The following CACNA1A variants were observed in gnomAD, a reference collection of about 807,000 sequenced individuals.
The protein encoded by CACNA1A is calcium voltage-gated channel subunit alpha1 A.
Under a neutral mutation model 262.4 loss-of-function variants are expected in CACNA1A, and 57 were observed. That is an observed-to-expected ratio of 0.22 (90% CI 0.18 to 0.27). The LOEUF (loss-of-function observed/expected upper bound fraction) is 0.27, where lower values mean the gene tolerates loss of function less well. Ranked by LOEUF, CACNA1A falls within the 10% of genes least tolerant of loss-of-function variation. The pLI is 1.00. For synonymous variants in CACNA1A, 1,431 were observed against 1,419.3 expected (o/e 1.01, Z -0.18); for missense variants, 2,526 against 3,562.8 (o/e 0.71, Z 7.41).
At chr19:13,458,805 C>G (rs935550971) in intron 1 of CACNA1A, among the ~76,000 whole-genome samples, 72 of 152,206 alleles carry the variant, frequency 4.7e-4, no homozygotes, top group African/African-American at 1.7e-3. Context: ...CCTGCCACAC[C>G]CCTCAGAAGT....
chr19:13,342,370 A>T (rs1014496008), intron 6 of CACNA1A, among the ~76,000 whole-genome samples: 1 of 152,114 alleles, frequency 6.6e-6, no homozygotes, highest in Admixed American at 6.5e-5. Flanking sequence ...TGGCAGTTCA[A>T]GTTAAGGGAG....
chr19:13,311,133 A>C (rs2058027062), intron 12 of CACNA1A, among the ~76,000 whole-genome samples: 1 of 152,108 alleles, frequency 6.6e-6, no homozygotes, highest in South Asian at 2.1e-4. Context: ...TCTCTTGTCC[A>C]GGCTGGAGGG....
Position 13,488,386 on chromosome 19 carries a change from T to C in CACNA1A, c.293+17546A>G, listed in dbSNP as rs972185081. Among the ~76,000 whole-genome samples the C allele has an allele frequency of 2.2e-5, 3 of 138,492 alleles. No homozygotes were observed. In the East Asian group the frequency reaches 6.2e-4, roughly 29 times the overall value. The allele number at this position is 138,492 out of a possible 152,430, so 90.9% of individuals were successfully genotyped here. A position where few individuals can be genotyped will look rare whatever the true frequency, so the allele number is the denominator to read the frequency against. On this transcript the variant is annotated intron_variant, in intron 1 of 46. Transcript: ENST00000360228. The stretch of plus-strand genomic sequence containing the variant: ...TGGGGCATCAGCATTTTCCTTTTTC[T>C]TTTCTTTTTTTTTTTTTTTTTTTTT...
chr19:13,441,566 CTGAGGTGGGAGTGCTTGAACCT>C (rs1255121069), intron 3 of CACNA1A, among the ~76,000 whole-genome samples: 29 of 150,174 alleles, frequency 1.9e-4, no homozygotes, highest in African/African-American at 6.9e-4. Context: ...ACTTGGGAGG[CTGAGGTGGGAGTGCTTGAACCT>C]GGGAGGCGGA....
At chr19:13,419,828 G>A (rs1304814667) in intron 3 of CACNA1A, among the ~76,000 whole-genome samples, 1 of 152,152 alleles carries the variant, frequency 6.6e-6, no homozygotes, top group Non-Finnish European at 1.5e-5. Context: ...GCTCATGCCT[G>A]TAATCCCAGC....
intron 12 of CACNA1A, among the ~76,000 whole-genome samples, chr19:13,309,753 G>A (rs2057980216): frequency 6.6e-6 from 1 of 152,022 alleles, no homozygotes; most frequent in African/African-American, 2.4e-5. Flanking sequence ...GAAGTTTCCA[G>A]AGACACTGTG....
At chr19:13,277,039 C>T (rs750491394) in intron 23 of CACNA1A, 30 bp downstream of exon 23, 2 of 1,538,384 alleles carry the variant, frequency 1.3e-6, no homozygotes, top group Non-Finnish European at 1.8e-6. Context: ...AAAAAATTAC[C>T]GTGTGTTCTC....
intron 9 of CACNA1A, among the ~76,000 whole-genome samples, chr19:13,332,063 G>T (rs1427309316): frequency 6.6e-6 from 1 of 152,200 alleles, no homozygotes; most frequent in Non-Finnish European, 1.5e-5. Flanking sequence ...AGCTATGCTG[G>T]GGAGGTTGGG....
At chr19:13,218,879 AG>A (rs2055115770) in intron 38 of CACNA1A, among the ~76,000 whole-genome samples, 1 of 151,528 alleles carries the variant, frequency 6.6e-6, no homozygotes, top group Non-Finnish European at 1.5e-5. Context: ...TTGGGATTAC[AG>A]GGGTCTGGCA....
chr19:13,448,761 T>C (rs907097994), intron 3 of CACNA1A, among the ~76,000 whole-genome samples: 2 of 152,160 alleles, frequency 1.3e-5, no homozygotes, highest in Admixed American at 6.5e-5. Context: ...AGCCCAAAGC[T>C]GGAAACAATC....
chr19:13,491,012 G>A (rs1980813319), intron 1 of CACNA1A, among the ~76,000 whole-genome samples: 2 of 151,854 alleles, frequency 1.3e-5, no homozygotes, highest in Non-Finnish European at 2.9e-5. Context: ...AAGAAAGGAA[G>A]GAAGGAAGGA....
intron 24 of CACNA1A, among the ~76,000 whole-genome samples, chr19:13,269,885 C>T (rs936080655): frequency 6.6e-6 from 1 of 152,188 alleles, no homozygotes; most frequent in African/African-American, 2.4e-5. Flanking sequence ...TCTCCCATAT[C>T]GGAGACGAGG....
intron 3 of CACNA1A, among the ~76,000 whole-genome samples, chr19:13,402,872 AC>A: frequency 1.6e-5 from 1 of 60,908 alleles, no homozygotes; most frequent in Non-Finnish European, 2.6e-5. Context: ...ACACACACAC[AC>A]ATATATATAT....
chr19:13,365,341 T>C lies in CACNA1A; in HGVS notation c.760A>G (p.Thr254Ala), dbSNP rs2059189603. 1.2e-6 allele frequency: 2 copies of C among 1,613,356 alleles called. No individual in the cohort carries two copies. The highest frequency in any genetic ancestry group is 1.7e-6 in the Non-Finnish European group (2 of 1,179,484). ...GLEFYMGKFH[T>A]TCFEEGTDDI... ...CCTGTCCCCTCTTCAAAGCAGGTGG[T>C]ATGAAATTTTCCCATATAAAATTCT... Residue 254 changes from threonine to alanine, a missense_variant, in exon 5 of 47, where the codon ACC becomes GCC. By Grantham distance (58) the Thr-to-Ala change is moderately conservative. Coordinates refer to ENST00000360228, the MANE Select transcript of CACNA1A (RefSeq NM_001127222.2).
intron 4 of CACNA1A, among the ~76,000 whole-genome samples, chr19:13,368,322 C>T (rs1239941590): frequency 1.3e-5 from 2 of 150,878 alleles, no homozygotes; most frequent in Admixed American, 6.6e-5. Flanking sequence ...GTTAGTATTT[C>T]TCTGCCTATC....
chr19:13,400,047 G>A (rs891581534), intron 3 of CACNA1A, among the ~76,000 whole-genome samples: 54 of 152,164 alleles, frequency 3.5e-4, no homozygotes, highest in African/African-American at 1.3e-3. Flanking sequence ...GAAAAAGTCA[G>A]CACCCATCAG....
chr19:13,383,415 G>A (rs1164542535), intron 3 of CACNA1A, among the ~76,000 whole-genome samples: 3 of 152,160 alleles, frequency 2.0e-5, no homozygotes, highest in Non-Finnish European at 4.4e-5. Context: ...CTGGGTTGTA[G>A]ACATGTTGAG....
chr19:13,218,877 A>G (rs1033655158), intron 38 of CACNA1A, among the ~76,000 whole-genome samples: 2 of 152,068 alleles, frequency 1.3e-5, no homozygotes, highest in African/African-American at 4.8e-5. Context: ...AGTTGGGATT[A>G]CAGGGGTCTG....
chr19:13,433,131 A>T (rs1022023350), intron 3 of CACNA1A, among the ~76,000 whole-genome samples: 10 of 151,956 alleles, frequency 6.6e-5, no homozygotes, highest in Non-Finnish European at 1.3e-4. Flanking sequence ...GTCTCTACTA[A>T]AAATACAAAA....
Sources: gnomAD v4.1 joint callset for allele counts (sites outside exome capture counted in the v4.1 genomes callset) on GRCh38, gnomAD v4.1.1 for gene constraint, MANE v1.5 for transcripts, NCBI Gene and HGNC (gene_info 2026-07-23, HGNC 2026-07-21) for gene names.